APAF1: variants seen among roughly 807,000 people sequenced by gnomAD.
The protein encoded by APAF1 is apoptotic peptidase activating factor 1.
A neutral mutation model predicts 152.4 loss-of-function variants in APAF1; 91 were observed. The observed-to-expected ratio is 0.60, with a 90% CI of 0.50 to 0.71. APAF1 has a LOEUF of 0.71. Ranked by LOEUF, APAF1 falls within the 30% of genes least tolerant of loss-of-function variation. APAF1 has a pLI of 0.00. For missense variants in APAF1, 1,283 were observed against 1,472.0 expected (o/e 0.87, Z 2.10); for synonymous variants, 484 against 494.1 (o/e 0.98, Z 0.27).
chr12:98,683,317 T>C (rs2097694466), intron 15 of APAF1, 43 bp downstream of exon 15: 1 of 1,589,630 alleles, frequency 6.3e-7, no homozygotes, highest in South Asian at 1.1e-5. Flanking sequence ...ATTTGATTCG[T>C]ACATCAGAGT....
At position 98,699,519 on chromosome 12, in the gene APAF1, T is replaced by C. The variant is rs754789767; in HGVS notation, c.2416T>C (p.Trp806Arg). ...GGAAGTGATAGTGAAGTGTTGTTCG[T>C]GGTCTGCTGATGGTGCAAGGATAAT... ...DMEVIVKCCS[W>R]SADGARIMVA... The change falls in exon 17 of 27, where the codon TGG becomes CGG. Residue 806 changes from tryptophan (W) to arginine (R), a missense_variant. By Grantham distance (101) the Trp-to-Arg change is moderately radical (BLOSUM62 -3). Transcript: ENST00000551964. 5.0e-6 allele frequency: 8 copies of C among 1,614,206 alleles called. No individual in the cohort carries two copies. In the South Asian group the frequency reaches 8.8e-5, roughly 18 times the overall value.
chr12:98,716,874 A>AT (rs906045668), intron 22 of APAF1, among the ~76,000 whole-genome samples: 13 of 148,480 alleles, frequency 8.8e-5, no homozygotes, highest in East Asian at 4.0e-4. Flanking sequence ...TTTTTTCTTT[A>AT]TTTTTTTTTG....
At chr12:98,722,302 C>G (rs1336396538) in intron 22 of APAF1, among the ~76,000 whole-genome samples, 1 of 152,100 alleles carries the variant, frequency 6.6e-6, no homozygotes, top group Admixed American at 6.5e-5. Context: ...ATCATTGTAT[C>G]TTCTATTGTA....
At chr12:98,705,157 A>G (rs555444396) in intron 18 of APAF1, among the ~76,000 whole-genome samples, 4 of 152,124 alleles carry the variant, frequency 2.6e-5, no homozygotes, top group Non-Finnish European at 5.9e-5. Context: ...AGTACTAAGT[A>G]GCAACCCCTC....
intron 15 of APAF1, among the ~76,000 whole-genome samples, chr12:98,684,235 T>G (rs1593064162): frequency 6.6e-6 from 1 of 152,272 alleles, no homozygotes; most frequent in East Asian, 1.9e-4. Flanking sequence ...TCCATCCCCC[T>G]GTTCAGGAAG....
chr12:98,659,909 A>C (rs2097662866), intron 5 of APAF1, among the ~76,000 whole-genome samples: 1 of 152,100 alleles, frequency 6.6e-6, no homozygotes. Flanking sequence ...TCTCATATGT[A>C]CCATTGTAGG....
intron 16 of APAF1, among the ~76,000 whole-genome samples, chr12:98,697,056 T>A (rs1424122708): frequency 6.6e-6 from 1 of 152,250 alleles, no homozygotes; most frequent in Non-Finnish European, 1.5e-5. Context: ...TACAACCAGA[T>A]TGAACTTGTT....
chr12:98,712,464 C>G, intron 21 of APAF1, 29 bp downstream of exon 21: 1 of 1,203,618 alleles, frequency 8.3e-7, no homozygotes, highest in Non-Finnish European at 1.2e-6. Context: ...CAGAATCTTT[C>G]TGTACAGAAT....
Position 98,723,302 on chromosome 12 carries a change from G to T in APAF1, c.3194G>T (p.Gly1065Val). The change falls in exon 23 of 27, where the codon GGA (glycine) becomes GTA (valine). Residue 1065 changes from glycine to valine, a missense_variant. Physicochemically the swap from Gly to Val is moderately radical, Grantham distance 109. Coordinates refer to ENST00000551964, the MANE Select transcript of APAF1 (RefSeq NM_181861.2). ...NSRLLSWSFDGTVKVWNIITG... is the reference protein window; with the variant it reads ...NSRLLSWSFDVTVKVWNIITG... ...AGACTGCTTTCTTGGTCATTTGATG[G>T]AACAGTGAAGGTAATTTAAAGTATA... 1 of 1,613,340 alleles carries T rather than the reference G, an allele frequency of 6.2e-7. No homozygotes were observed. Among genetic ancestry groups the T allele is most frequent in the South Asian group, 1.1e-5 (1 of 90,994 alleles).
At chr12:98,715,279 T>C (rs2097733340) in intron 21 of APAF1, 148 bp from the exon 22 acceptor site, 2 of 306,242 alleles carry the variant, frequency 6.5e-6, no homozygotes, top group Admixed American at 9.1e-5. Flanking sequence ...TATATATATA[T>C]ATGACATTCA....
chr12:98,664,823 C>T (rs1247607211), intron 7 of APAF1, among the ~76,000 whole-genome samples: 1 of 152,094 alleles, frequency 6.6e-6, no homozygotes, highest in African/African-American at 2.4e-5. Flanking sequence ...ACACATGTCG[C>T]CACACCCAGC....
At chr12:98,688,024 C>T (rs2097699852) in intron 16 of APAF1, among the ~76,000 whole-genome samples, 1 of 152,124 alleles carries the variant, frequency 6.6e-6, no homozygotes, top group South Asian at 2.1e-4. Flanking sequence ...GTTGGCCAGT[C>T]TGGGGACCTG....
chr12:98,695,334 A>G (rs1413515689), intron 16 of APAF1, among the ~76,000 whole-genome samples: 1 of 149,170 alleles, frequency 6.7e-6, no homozygotes, highest in Non-Finnish European at 1.5e-5. Flanking sequence ...TACAGGTGTG[A>G]GCCACTGCGC....
At chr12:98,666,757 T>C (rs953682094) in intron 9 of APAF1, among the ~76,000 whole-genome samples, 3 of 152,224 alleles carry the variant, frequency 2.0e-5, no homozygotes, top group African/African-American at 7.2e-5. Context: ...TGTGATGTTT[T>C]TCCTGACTAG....
At chr12:98,708,067 C>T (rs1239753842) in intron 19 of APAF1, among the ~76,000 whole-genome samples, 4 of 152,196 alleles carry the variant, frequency 2.6e-5, no homozygotes, top group African/African-American at 9.6e-5. Context: ...CTGTCTCAGC[C>T]TCCTGAGTAG....
At chr12:98,710,478 G>C (rs1245221052) in intron 20 of APAF1, among the ~76,000 whole-genome samples, 1 of 152,164 alleles carries the variant, frequency 6.6e-6, no homozygotes. Flanking sequence ...GAGAGGAGCA[G>C]AATAGAGAAG....
Position 98,723,299 on chromosome 12 carries a change from A to G in APAF1, c.3191A>G (p.Asp1064Gly). 6.2e-7 allele frequency: 1 copy of G among 1,613,528 alleles called. No homozygotes were observed. Among genetic ancestry groups the G allele is most frequent in the Non-Finnish European group, 8.5e-7 (1 of 1,179,546 alleles). The change falls in exon 23 of 27, where the codon GAT becomes GGT. Residue 1064 changes from aspartate (D) to glycine (G), a missense_variant. Coordinates refer to ENST00000551964, the MANE Select transcript of APAF1 (RefSeq NM_181861.2). ...KNSRLLSWSF[D>G]GTVKVWNIIT... ...TCAAGACTGCTTTCTTGGTCATTTG[A>G]TGGAACAGTGAAGGTAATTTAAAGT...
intron 7 of APAF1, among the ~76,000 whole-genome samples, chr12:98,665,278 A>ATATTTTTT (rs1491316422): frequency 1.1e-4 from 7 of 66,012 alleles, no homozygotes; most frequent in African/African-American, 4.0e-4. Context: ...ATATATATAT[A>ATATTTTTT]TTTTTTTTTT....
intron 12 of APAF1, among the ~76,000 whole-genome samples, chr12:98,674,555 A>G (rs1278969033): frequency 6.6e-6 from 1 of 152,156 alleles, no homozygotes; most frequent in Non-Finnish European, 1.5e-5. Flanking sequence ...GTCACACTTT[A>G]TAGTGATTAT....
Sources: allele counts gnomAD v4.1 joint callset (sites outside exome capture counted in the v4.1 genomes callset), GRCh38; gene constraint gnomAD v4.1.1; transcripts MANE v1.5; gene names NCBI Gene and HGNC (gene_info 2026-07-23, HGNC 2026-07-21).